AKAIN1: variants seen among roughly 807,000 people sequenced by gnomAD.
AKAIN1 encodes A-kinase anchor inhibitor 1, also known as A-kinase anchor protein inhibitor 1.
In AKAIN1, 3 loss-of-function variants were observed where a neutral mutation model predicts 3.7. That is an observed-to-expected ratio of 0.82 (90% CI 0.37 to 2.12). The LOEUF is 2.12. Ranked by LOEUF, AKAIN1 falls within the 30% of genes most tolerant of loss-of-function variation. The pLI, the probability that AKAIN1 is intolerant of heterozygous loss-of-function variation, is 0.06. For missense variants in AKAIN1, 82 were observed against 82.7 expected (o/e 0.99, Z 0.03); for synonymous variants, 31 against 30.8 (o/e 1.01, Z -0.02).
At chr18:5,174,471 G>T (rs1567876575) in intron 1 of AKAIN1, among the ~76,000 whole-genome samples, 1 of 152,124 alleles carries the variant, frequency 6.6e-6, no homozygotes, top group Non-Finnish European at 1.5e-5. Flanking sequence ...CTCTCAAAGA[G>T]CAGAAAGCCC....
At chr18:5,157,933 A>T (rs1446061344) in intron 1 of AKAIN1, among the ~76,000 whole-genome samples, 1 of 152,078 alleles carries the variant, frequency 6.6e-6, no homozygotes, top group African/African-American at 2.4e-5. Flanking sequence ...GCCTCAAGTG[A>T]TCCTCCTGCT....
intron 1 of AKAIN1, among the ~76,000 whole-genome samples, chr18:5,167,025 A>G (rs1407255693): frequency 2.0e-5 from 3 of 152,058 alleles, no homozygotes; most frequent in African/African-American, 7.2e-5. Context: ...ATGATACATG[A>G]AGGACATTAC....
intron 1 of AKAIN1, among the ~76,000 whole-genome samples, chr18:5,192,385 T>TTTCTTTC (rs572080430): frequency 4.0e-4 from 43 of 107,074 alleles, no homozygotes; most frequent in Admixed American, 1.6e-3. Context: ...ACAGAGCTAA[T>TTTCTTTC]TTTCTTTCTT....
At chr18:5,166,667 T>A (rs1168559349) in intron 1 of AKAIN1, among the ~76,000 whole-genome samples, 1 of 152,090 alleles carries the variant, frequency 6.6e-6, no homozygotes, top group Non-Finnish European at 1.5e-5. Context: ...GAAAAGAAGG[T>A]CAGAACCTGA....
chr18:5,157,113 G>A (rs1598306449), intron 1 of AKAIN1, among the ~76,000 whole-genome samples: 1 of 152,278 alleles, frequency 6.6e-6, no homozygotes. Context: ...TAACCAAGAT[G>A]AAGTATCAAT....
rs150793339 is a variant in AKAIN1 at position 5,185,500 on chromosome 18, G to A, written c.16+11538C>T. Among the ~76,000 whole-genome samples the A allele has an allele frequency of 3.1e-3, 472 of 152,122 alleles. 1 individual carries two copies. The highest frequency in any genetic ancestry group is 0.01 in the African/African-American group (435 of 41,520). ...ACAAGGAACTTAAACAAATTCACAA[G>A]CAAAAAATAAACAACCCCATTAAAA... On this transcript the variant is annotated intron_variant, in intron 1 of 1. Coordinates refer to ENST00000434239, the MANE Select transcript of AKAIN1 (RefSeq NM_001145194.2).
intron 1 of AKAIN1, among the ~76,000 whole-genome samples, chr18:5,148,438 A>C (rs2071061476): frequency 6.6e-6 from 1 of 152,260 alleles, no homozygotes. Flanking sequence ...AAGAGTTGTC[A>C]TAAAGGTTGC....
intron 1 of AKAIN1, among the ~76,000 whole-genome samples, chr18:5,150,452 T>A (rs921984263): frequency 3.3e-5 from 5 of 152,246 alleles, no homozygotes; most frequent in Non-Finnish European, 7.3e-5. Context: ...CAACATCATT[T>A]TCATGTTTCA....
At chr18:5,179,354 A>C (rs1424169157) in intron 1 of AKAIN1, among the ~76,000 whole-genome samples, 1 of 152,042 alleles carries the variant, frequency 6.6e-6, no homozygotes, top group Non-Finnish European at 1.5e-5. Context: ...AGTTCCAGTC[A>C]TGTTGCCACA....
chr18:5,175,648 A>G (rs2071221935), intron 1 of AKAIN1, among the ~76,000 whole-genome samples: 1 of 152,188 alleles, frequency 6.6e-6, no homozygotes, highest in Non-Finnish European at 1.5e-5. Flanking sequence ...AAGTTTATGC[A>G]GCGTTTCCAC....
At chr18:5,174,269 T>A (rs1037282814) in intron 1 of AKAIN1, among the ~76,000 whole-genome samples, 4 of 152,094 alleles carry the variant, frequency 2.6e-5, no homozygotes, top group African/African-American at 9.7e-5. Flanking sequence ...GCAGTGCACA[T>A]AGAATTCCCT....
intron 1 of AKAIN1, among the ~76,000 whole-genome samples, chr18:5,157,271 C>A (rs1961166354): frequency 6.6e-6 from 1 of 152,196 alleles, no homozygotes; most frequent in Non-Finnish European, 1.5e-5. Context: ...GGAAGGAAAG[C>A]AAGGAGCTGG....
intron 1 of AKAIN1, among the ~76,000 whole-genome samples, chr18:5,185,136 T>C (rs1295509720): frequency 6.6e-6 from 1 of 152,154 alleles, no homozygotes; most frequent in Non-Finnish European, 1.5e-5. Context: ...GATAGTTGCC[T>C]AGCCATATGT....
chr18:5,159,239 T>C (rs1299997140), intron 1 of AKAIN1: 1 of 152,094 alleles, frequency 6.6e-6, no homozygotes, highest in Non-Finnish European at 1.5e-5. Context: ...ACCCAGACTT[T>C]AGAAGTATTT....
Position 5,192,596 on chromosome 18 carries a change from A to G in AKAIN1, c.16+4442T>C, listed in dbSNP as rs187525474. Among the ~76,000 whole-genome samples, 534 of 152,200 alleles carry G rather than the reference A, an allele frequency of 3.5e-3. 4 individuals are homozygous for G. Among genetic ancestry groups the G allele is most frequent in the African/African-American group, 0.012 (510 of 41,520 alleles). On this transcript the variant is annotated intron_variant, in intron 1 of 1. Coordinates refer to ENST00000434239, the MANE Select transcript of AKAIN1 (RefSeq NM_001145194.2). ...CTCTCCACACATCGAATCTGCCAAC[A>G]TCTTGGACTTGGAATTCCAGCCTCC... is the stretch of plus-strand genomic sequence containing the variant.
At chr18:5,160,593 T>C (rs1261120081) in intron 1 of AKAIN1, among the ~76,000 whole-genome samples, 1 of 152,200 alleles carries the variant, frequency 6.6e-6, no homozygotes, top group East Asian at 1.9e-4. Context: ...TTTTTATTCA[T>C]TTCTTGTTAA....
At chr18:5,188,429 G>T (rs2071299667) in intron 1 of AKAIN1, among the ~76,000 whole-genome samples, 1 of 151,934 alleles carries the variant, frequency 6.6e-6, no homozygotes, top group African/African-American at 2.4e-5. Context: ...AAAGCTTCTT[G>T]GTACAGCTGA....
chr18:5,196,781 T>C lies in AKAIN1; in HGVS notation c.16+257A>G, dbSNP rs1044021648. On this transcript the variant is annotated intron_variant, in intron 1 of 1. Transcript: ENST00000434239. ...AAGGCTCCTGAGCTCGGAAGGGGTG[T>C]GGAGGAGCCAGATGGGAAGAGAAGC... is the stretch of plus-strand genomic sequence containing the variant. Among the ~76,000 whole-genome samples the C allele has an allele frequency of 2.0e-5, 3 of 151,848 alleles. No individual in the cohort carries two copies. The East Asian group carries it at 5.8e-4, about 29-fold the overall frequency.
intron 1 of AKAIN1, among the ~76,000 whole-genome samples, chr18:5,164,631 G>C (rs2071157574): frequency 1.3e-5 from 2 of 151,978 alleles, no homozygotes; most frequent in South Asian, 4.1e-4. Flanking sequence ...CACACAAGCT[G>C]TCCTCAATGT....
Sources: gnomAD v4.1 joint callset for allele counts (sites outside exome capture counted in the v4.1 genomes callset) on GRCh38, gnomAD v4.1.1 for gene constraint, MANE v1.5 for transcripts, NCBI Gene and HGNC (gene_info 2026-07-23, HGNC 2026-07-21) for gene names.